The following NECAB2 variants were observed in gnomAD, a reference collection of about 807,000 sequenced individuals.
The protein encoded by NECAB2 is N-terminal EF-hand calcium binding protein 2, also known as N-terminal EF-hand calcium-binding protein 2.
Under a neutral mutation model 51.9 loss-of-function variants are expected in NECAB2, and 68 were observed. That is an observed-to-expected ratio of 1.31 (90% CI 1.08 to 1.60). NECAB2 has a LOEUF of 1.60. Ranked by LOEUF, NECAB2 falls within the 40% of genes most tolerant of loss-of-function variation. The pLI, the probability that NECAB2 is intolerant of heterozygous loss-of-function variation, is 0.00. For missense variants in NECAB2, 854 were observed against 490.3 expected (o/e 1.74, Z -7.00); for synonymous variants, 329 against 203.5 (o/e 1.62, Z -5.25).
chr16:83,985,635 GAA>G (rs879357467), intron 5 of NECAB2, among the ~76,000 whole-genome samples: 1 of 125,812 alleles, frequency 7.9e-6, no homozygotes, highest in Non-Finnish European at 1.7e-5. Context: ...CTCCATCTCA[GAA>G]AAAAAAAAAA....
rs554754816 is a variant in NECAB2, at chr16:83,999,564, A to C, written c.963-1160A>C. On this transcript the variant is annotated intron_variant, in intron 10 of 12. Transcript: ENST00000305202. ...CCCGGCCCCTTCCTCTAGGCTGAGC[A>C]CTGTAGCCCCTCCTCCCCAGCTTTT... Among the ~76,000 whole-genome samples the C allele has an allele frequency of 9.7e-4, 148 of 152,150 alleles. 1 individual carries two copies. Among genetic ancestry groups the C allele is most frequent in the South Asian group, 2.1e-3 (10 of 4,826 alleles).
rs984185671 is a variant in NECAB2, at chr16:83,990,347, C to T, written c.460-147C>T. Reference sequence around the variant, plus strand: ...GTTGGAAATGCTACAGCCTCTAAGACTGGACCCCAGGAGGCCGTGGGGTCC... The same window carrying T: ...GTTGGAAATGCTACAGCCTCTAAGATTGGACCCCAGGAGGCCGTGGGGTCC... On this transcript the variant is annotated intron_variant, in intron 5 of 12. Coordinates refer to ENST00000305202, the MANE Select transcript of NECAB2 (RefSeq NM_019065.3). The T allele has an allele frequency of 2.9e-6, 3 of 1,026,616 alleles. No homozygotes were observed. In the Admixed American group the frequency reaches 6.6e-5, roughly 23 times the overall value. 63.6% of individuals were successfully genotyped at this position (1,026,616 alleles called of 1,614,324 possible).
At chr16:83,983,474 A>G (rs2084514285) in intron 5 of NECAB2, among the ~76,000 whole-genome samples, 1 of 152,174 alleles carries the variant, frequency 6.6e-6, no homozygotes, top group South Asian at 2.1e-4. Flanking sequence ...CTCTTATTTT[A>G]GAATCCTTGT....
In NECAB2 at chr16:83,994,620, G is replaced by T. The variant is rs757289920; in HGVS notation, c.727G>T (p.Ala243Ser). ...GKTLPSATED[A>S]KEEGLEAQIS... ...TTTCTCTACCGCAGCCACGGAGGAT[G>T]CAAAGGAAGAGGGTCTGGAAGCCCA... The change falls in exon 8 of 13, where the codon GCA becomes TCA. Residue 243 changes from alanine (A) to serine (S), a missense_variant. By Grantham distance (99) the Ala-to-Ser change is moderately conservative. Coordinates refer to ENST00000305202, the MANE Select transcript of NECAB2 (RefSeq NM_019065.3). The T allele has an allele frequency of 1.2e-6, 2 of 1,614,146 alleles. No homozygotes were observed. Among genetic ancestry groups the T allele is most frequent in the Non-Finnish European group, 1.7e-6 (2 of 1,180,044 alleles).
intron 9 of NECAB2, 103 bp from the exon 10 acceptor site, chr16:83,998,102 T>G: frequency 1.0e-6 from 1 of 974,382 alleles, no homozygotes; most frequent in Non-Finnish European, 1.5e-6. Flanking sequence ...GGGGGAGGGT[T>G]ATTTTATTTT....
intron 6 of NECAB2, among the ~76,000 whole-genome samples, chr16:83,992,385 C>A (rs760934308): frequency 2.8e-5 from 4 of 143,956 alleles, no homozygotes; most frequent in South Asian, 4.5e-4. Flanking sequence ...CGTCCCCCCG[C>A]CCACCTCCAT....
upstream of NECAB2, chr16:83,965,982 G>A: frequency 6.3e-7 from 1 of 1,593,802 alleles, no homozygotes; most frequent in African/African-American, 1.3e-5. Flanking sequence ...TCCCTGCTAA[G>A]GAAGGAGACC....
intron 11 of NECAB2, 138 bp from the exon 12 acceptor site, chr16:84,001,687 A>C (rs1312648685): frequency 1.5e-5 from 13 of 860,128 alleles, no homozygotes; most frequent in Non-Finnish European, 2.3e-5. Flanking sequence ...TCACCTTCCC[A>C]CAAAGGCTCT....
At chr16:83,992,784 C>T (rs764704759) in intron 6 of NECAB2, among the ~76,000 whole-genome samples, 1 of 152,196 alleles carries the variant, frequency 6.6e-6, no homozygotes, top group Non-Finnish European at 1.5e-5. Context: ...GGACTGGAGC[C>T]CAGAACTCTG....
At position 83,985,598 on chromosome 16, in the gene NECAB2, A is replaced by C. The variant is rs375325697; in HGVS notation, c.459+4471A>C. ...CAGTGAGCCGAGACTGCCCCACTGC[A>C]CTCCAGCCTGGGCAACAAGAGTGAG... On this transcript the variant is annotated intron_variant, in intron 5 of 12. Coordinates refer to ENST00000305202, the MANE Select transcript of NECAB2 (RefSeq NM_019065.3). Among the ~76,000 whole-genome samples, 12 of 151,540 alleles carry C rather than the reference A, an allele frequency of 7.9e-5. No individual in the cohort carries two copies. The East Asian group carries it at 2.1e-3, about 27-fold the overall frequency.
In NECAB2 at chr16:84,002,515, G is replaced by C. The variant is rs934766664; in HGVS notation, c.*169G>C. ...AAGGAGGCCGCCCCTGCCCCCACCT[G>C]AGAAGGCAGAGCAGTGTCTGTGCTG... On this transcript the variant is annotated 3_prime_UTR_variant, in exon 13 of 13. Transcript: ENST00000305202. The C allele has an allele frequency of 9.6e-6, 8 of 832,106 alleles. No homozygotes were observed. The highest frequency in any genetic ancestry group is 8.6e-5 in the African/African-American group (5 of 58,452). 51.5% of individuals were successfully genotyped at this position (832,106 alleles called of 1,614,324 possible).
In NECAB2 at chr16:83,978,373, C is replaced by T. The variant is rs546353535; in HGVS notation, c.227-71C>T. ...CAGGCCATTGACTGGATTTGGGGGC[C>T]GTGCATGCACTAGCCCCACCAGCCT... On this transcript the variant is annotated intron_variant, in intron 2 of 12. Coordinates refer to ENST00000305202, the MANE Select transcript of NECAB2 (RefSeq NM_019065.3). 1.4e-4 allele frequency: 164 copies of T among 1,214,672 alleles called. 1 individual carries two copies. The highest frequency in any genetic ancestry group is 1.5e-4 in the African/African-American group (10 of 65,326). 75.2% of individuals were successfully genotyped at this position (1,214,672 alleles called of 1,614,324 possible). A position where few individuals can be genotyped will look rare whatever the true frequency, so the allele number is the denominator to read the frequency against.
chr16:83,995,577 C>G (rs969720507), intron 8 of NECAB2, among the ~76,000 whole-genome samples: 4 of 152,162 alleles, frequency 2.6e-5, no homozygotes, highest in Non-Finnish European at 5.9e-5. Context: ...ACCCGTATAC[C>G]CACATAAGCC....
intron 8 of NECAB2, among the ~76,000 whole-genome samples, chr16:83,996,148 T>G (rs1320478758): frequency 1.3e-5 from 2 of 152,182 alleles, no homozygotes; most frequent in South Asian, 2.1e-4. Context: ...TAGGGGCCCC[T>G]GGCTGGGAGA....
intron 1 of NECAB2, chr16:83,971,518 G>C (rs1479683130): frequency 1.3e-5 from 2 of 152,550 alleles, no homozygotes; most frequent in African/African-American, 2.4e-5. Flanking sequence ...GAGGCACCTG[G>C]TCTTGTAGGT....
chr16:83,968,580 C>T lies in NECAB2; in HGVS notation c.-69C>T, dbSNP rs905616176. Reference sequence around the variant, plus strand: ...GGCGCGGGCAGCGCGGGGAGGGGGTCGCGCGGGGGCGGGCCGCAGCTGGGC... The same window carrying T: ...GGCGCGGGCAGCGCGGGGAGGGGGTTGCGCGGGGGCGGGCCGCAGCTGGGC... On this transcript the variant is annotated 5_prime_UTR_variant, in exon 1 of 13. Coordinates refer to ENST00000305202, the MANE Select transcript of NECAB2 (RefSeq NM_019065.3). 3 of 965,500 alleles carry T rather than the reference C, an allele frequency of 3.1e-6. No individual in the cohort carries two copies. Among genetic ancestry groups the T allele is most frequent in the African/African-American group, 1.8e-5 (1 of 55,840 alleles). The allele number at this position is 965,500 out of a possible 1,614,324, so 59.8% of individuals were successfully genotyped here.
intron 10 of NECAB2, among the ~76,000 whole-genome samples, chr16:84,000,407 A>C (rs1293557900): frequency 1.3e-5 from 2 of 152,098 alleles, no homozygotes; most frequent in Non-Finnish European, 2.9e-5. Flanking sequence ...GCACTCCTCT[A>C]GTCCCCGCTA....
chr16:83,986,968 C>T (rs778368627), intron 5 of NECAB2, among the ~76,000 whole-genome samples: 30 of 152,192 alleles, frequency 2.0e-4, no homozygotes, highest in Admixed American at 9.2e-4. Flanking sequence ...ACACTAGAAA[C>T]GCAACCCCCA....
upstream of NECAB2, chr16:83,965,700 T>A: frequency 6.2e-7 from 1 of 1,613,648 alleles, no homozygotes; most frequent in Non-Finnish European, 8.5e-7. Context: ...TGCCAGGCCG[T>A]GTTCCAGGAC....
Sources: allele counts gnomAD v4.1 joint callset (sites outside exome capture counted in the v4.1 genomes callset), GRCh38; gene constraint gnomAD v4.1.1; transcripts MANE v1.5; gene names NCBI Gene and HGNC (gene_info 2026-07-23, HGNC 2026-07-21).